CNOT4: variants seen among roughly 807,000 people sequenced by gnomAD.
CNOT4 encodes CCR4-associated factor 4.
A neutral mutation model predicts 73.8 loss-of-function variants in CNOT4; 8 were observed. The ratio of observed to expected loss-of-function variants is 0.11; its 90% CI spans 0.06 to 0.20. CNOT4 has a LOEUF of 0.20. Ranked by LOEUF, CNOT4 falls within the 10% of genes least tolerant of loss-of-function variation. The pLI, the probability that CNOT4 is intolerant of heterozygous loss-of-function variation, is 1.00. For synonymous variants in CNOT4, 293 were observed against 321.1 expected, an observed-to-expected ratio of 0.91 and a Z score of 0.94; for missense variants, 564 against 883.4, an observed-to-expected ratio of 0.64 and a Z score of 4.58.
intron 10 of CNOT4, among the ~76,000 whole-genome samples, chr7:135,365,949 A>G (rs1429124093): frequency 6.6e-6 from 1 of 152,230 alleles, no homozygotes; most frequent in Non-Finnish European, 1.5e-5. Flanking sequence ...GTACACTCTA[A>G]CTTTTAAAGC....
chr7:135,374,866 G>A (rs532458163), intron 10 of CNOT4, among the ~76,000 whole-genome samples: 15 of 152,224 alleles, frequency 9.9e-5, no homozygotes, highest in East Asian at 5.8e-4. Context: ...AACCATTAGC[G>A]TGTATGGGAA....
chr7:135,396,945 T>C (rs1796727861), intron 8 of CNOT4, among the ~76,000 whole-genome samples: 1 of 152,114 alleles, frequency 6.6e-6, no homozygotes, highest in Non-Finnish European at 1.5e-5. Flanking sequence ...TACTATAATT[T>C]TACCATTTAT....
intron 10 of CNOT4, among the ~76,000 whole-genome samples, chr7:135,392,433 T>C (rs1290851480): frequency 6.6e-6 from 1 of 152,142 alleles, no homozygotes; most frequent in Non-Finnish European, 1.5e-5. Context: ...ATGAATGTTA[T>C]AATCAATTAT....
intron 3 of CNOT4, among the ~76,000 whole-genome samples, chr7:135,419,071 A>C (rs893871857): frequency 2.6e-5 from 4 of 152,142 alleles, no homozygotes; most frequent in African/African-American, 9.7e-5. Context: ...TCACAAATCT[A>C]AAATTTTAGG....
intron 2 of CNOT4, 63 bp downstream of exon 2, chr7:135,438,094 TA>T: frequency 1.2e-6 from 1 of 853,888 alleles, no homozygotes; most frequent in South Asian, 1.6e-5. Context: ...CTTGCTCATA[TA>T]CATGGCAGCA....
chr7:135,476,969 TAC>T (rs1802030860), intron 1 of CNOT4, among the ~76,000 whole-genome samples: 1 of 152,208 alleles, frequency 6.6e-6, no homozygotes, highest in African/African-American at 2.4e-5. Context: ...AGCAAACTTT[TAC>T]CAATAGTTAT....
At chr7:135,450,080 C>CA (rs1255410313) in intron 1 of CNOT4, among the ~76,000 whole-genome samples, 1 of 151,984 alleles carries the variant, frequency 6.6e-6, no homozygotes, top group African/African-American at 2.4e-5. Context: ...GCACAGTGGC[C>CA]AACACGTGTA....
chr7:135,373,341 T>G (rs538720749), intron 10 of CNOT4, among the ~76,000 whole-genome samples: 2 of 152,344 alleles, frequency 1.3e-5, no homozygotes, highest in African/African-American at 4.8e-5. Flanking sequence ...AAGAGCATGA[T>G]CTTCTAACCA....
chr7:135,394,360 A>G lies in CNOT4; in HGVS notation c.1185T>C (p.Ser395=), dbSNP rs533896881. ...CCAAGTCATCCTCTGGTTGTTTAGA[A>G]GAACCAAAGCCAAAAGCTGCTTGCC... ...TDWQAAFGFG[S]SKQPEDDLGF... Residue 395 remains serine (S), a synonymous_variant, in exon 10 of 12, where the codon TCT becomes TCC. Coordinates refer to ENST00000541284, the MANE Select transcript of CNOT4 (RefSeq NM_001190850.2). 4.3e-6 allele frequency: 7 copies of G among 1,614,120 alleles called. No individual in the cohort carries two copies. In the African/African-American group the frequency reaches 6.7e-5, roughly 15 times the overall value.
At chr7:135,482,807 C>G (rs924141228) in intron 1 of CNOT4, among the ~76,000 whole-genome samples, 1 of 151,346 alleles carries the variant, frequency 6.6e-6, no homozygotes, top group African/African-American at 2.4e-5. Flanking sequence ...GTGGTGAAAC[C>G]CTGTCTCTAA....
chr7:135,422,195 G>A lies in CNOT4; in HGVS notation c.333C>T (p.Val111=), dbSNP rs1798231316. 6.2e-7 allele frequency: 1 copy of A among 1,612,282 alleles called. No individual in the cohort carries two copies. The highest frequency in any genetic ancestry group is 8.5e-7 in the Non-Finnish European group (1 of 1,178,392). ...GGCGCTGAGATAAACCTACAACAAA[G>A]ACGAGGTTTTTTTGTACGACACGTA... ...ASVRVVQKNL[V]FVVGLSQRLA... Residue 111 remains valine, a synonymous_variant, in exon 3 of 12, where the codon GTC becomes GTT. Coordinates refer to ENST00000541284, the MANE Select transcript of CNOT4 (RefSeq NM_001190850.2).
At chr7:135,425,023 A>G (rs1798412953) in intron 2 of CNOT4, among the ~76,000 whole-genome samples, 2 of 152,170 alleles carry the variant, frequency 1.3e-5, no homozygotes, top group South Asian at 4.1e-4. Flanking sequence ...AACTGACACT[A>G]CCCCAACATT....
intron 1 of CNOT4, among the ~76,000 whole-genome samples, chr7:135,495,030 T>C (rs1803371259): frequency 6.6e-6 from 1 of 152,214 alleles, no homozygotes; most frequent in Non-Finnish European, 1.5e-5. Flanking sequence ...AATAGATCTA[T>C]GAAATAGGTG....
chr7:135,387,148 T>C, intron 10 of CNOT4: 1 of 978,788 alleles, frequency 1.0e-6, no homozygotes, highest in South Asian at 4.7e-5. Flanking sequence ...TGATAATAAG[T>C]CTACAATATT....
intron 10 of CNOT4, among the ~76,000 whole-genome samples, chr7:135,390,487 G>T (rs184433191): frequency 1.1e-4 from 16 of 151,902 alleles, no homozygotes; most frequent in African/African-American, 3.6e-4. Context: ...AACTGCCCAC[G>T]AATCAAAATT....
intron 1 of CNOT4, among the ~76,000 whole-genome samples, chr7:135,450,167 A>G (rs1800074662): frequency 6.6e-6 from 1 of 152,124 alleles, no homozygotes; most frequent in Non-Finnish European, 1.5e-5. Context: ...GCAACATAGT[A>G]AGACCCTGAC....
chr7:135,399,539 T>C (rs1196148449), intron 7 of CNOT4, among the ~76,000 whole-genome samples: 1 of 152,086 alleles, frequency 6.6e-6, no homozygotes, highest in East Asian at 1.9e-4. Context: ...GTTACTCAAA[T>C]GTATTGTTCT....
intron 6 of CNOT4, among the ~76,000 whole-genome samples, chr7:135,413,027 CA>C: frequency 6.6e-6 from 1 of 152,088 alleles, no homozygotes; most frequent in African/African-American, 2.4e-5. Context: ...ATTAGTTTAT[CA>C]GCATCATTTG....
intron 10 of CNOT4, among the ~76,000 whole-genome samples, chr7:135,373,475 G>T (rs1042710781): frequency 6.6e-6 from 1 of 152,152 alleles, no homozygotes; most frequent in Admixed American, 6.5e-5. Flanking sequence ...TTTTATCCCA[G>T]GCTCTTAATC....
Sources: allele counts gnomAD v4.1 joint callset (sites outside exome capture counted in the v4.1 genomes callset), GRCh38; gene constraint gnomAD v4.1.1; transcripts MANE v1.5; gene names NCBI Gene and HGNC (gene_info 2026-07-23, HGNC 2026-07-21).